The following SPIRE1 variants were observed in gnomAD, a reference collection of about 807,000 sequenced individuals.
SPIRE1 encodes the protein protein spire homolog 1.
A neutral mutation model predicts 94.1 loss-of-function variants in SPIRE1; 40 were observed. The ratio of observed to expected loss-of-function variants is 0.43; its 90% CI spans 0.33 to 0.55. SPIRE1 has a LOEUF of 0.55. Ranked by LOEUF, SPIRE1 falls within the 20% of genes least tolerant of loss-of-function variation. The probability of loss-of-function intolerance (pLI) is 0.06; values close to 1 mark genes in which losing one functional copy is unlikely to be tolerated. For synonymous variants in SPIRE1, 376 were observed against 371.7 expected, an observed-to-expected ratio of 1.01 and a Z score of -0.13; for missense variants, 838 against 975.2, an observed-to-expected ratio of 0.86 and a Z score of 1.87.
Position 12,546,876 on chromosome 18 carries a change from T to A in SPIRE1, c.401A>T (p.Tyr134Phe). 5 of 1,613,692 alleles carry A rather than the reference T, an allele frequency of 3.1e-6. No homozygotes were observed. The highest frequency in any genetic ancestry group is 1.1e-5 in the South Asian group (1 of 90,958). Residue 134 changes from tyrosine to phenylalanine, a missense_variant, in exon 3 of 17, where the codon TAT becomes TTT. By Grantham distance (22) the Tyr-to-Phe change is conservative (BLOSUM62 3). Around this residue, in one of 2 missense-constraint regions of SPIRE1, gnomAD observed 645 missense variants for 804.7 expected, o/e 0.80. Transcript: ENST00000409402. Reference sequence around the variant, plus strand: ...CTTCAAACCATAGTCCAGTGCTTTATAAATAATAATTCCCAAAGATTCAAT... The same window carrying A: ...CTTCAAACCATAGTCCAGTGCTTTAAAAATAATAATTCCCAAAGATTCAAT... ...EVIESLGIII[Y>F]KALDYGLKEN...
intron 3 of SPIRE1, among the ~76,000 whole-genome samples, chr18:12,539,952 G>GA (rs1297217742): frequency 1.3e-5 from 2 of 150,394 alleles, no homozygotes; most frequent in Non-Finnish European, 3.0e-5. Context: ...AGAAAAGAAA[G>GA]AAAAAGAAAA....
intron 12 of SPIRE1, among the ~76,000 whole-genome samples, chr18:12,461,093 TGCAC>T (rs927414234): frequency 2.6e-4 from 40 of 152,146 alleles, no homozygotes; most frequent in African/African-American, 9.6e-4. Flanking sequence ...AAAAAAACAG[TGCAC>T]GGCCTGACCT....
chr18:12,553,176 T>C (rs1360611736), intron 2 of SPIRE1, among the ~76,000 whole-genome samples: 1 of 152,204 alleles, frequency 6.6e-6, no homozygotes, highest in African/African-American at 2.4e-5. Context: ...GAAAGACTTC[T>C]CGTGCTTGAG....
At chr18:12,518,834 T>A (rs149417069) in intron 4 of SPIRE1, among the ~76,000 whole-genome samples, 11 of 152,364 alleles carry the variant, frequency 7.2e-5, no homozygotes, top group South Asian at 2.1e-4. Flanking sequence ...ACACAGATTA[T>A]GAGCTATGAC....
intron 6 of SPIRE1, among the ~76,000 whole-genome samples, chr18:12,500,577 G>A (rs1243852166): frequency 6.6e-6 from 1 of 152,022 alleles, no homozygotes; most frequent in Non-Finnish European, 1.5e-5. Flanking sequence ...GCCAAACATA[G>A]AATTACTATA....
intron 2 of SPIRE1, among the ~76,000 whole-genome samples, chr18:12,618,161 G>GT (rs954612463): frequency 1.1e-4 from 17 of 151,974 alleles, no homozygotes; most frequent in African/African-American, 3.9e-4. Context: ...GAGTGCAGTG[G>GT]TGCGATCTCG....
At chr18:12,626,396 T>C (rs1274487096) in intron 2 of SPIRE1, among the ~76,000 whole-genome samples, 2 of 152,176 alleles carry the variant, frequency 1.3e-5, no homozygotes, top group Non-Finnish European at 2.9e-5. Context: ...TGAATCATTT[T>C]GAGTAATTTG....
intron 16 of SPIRE1, 127 bp downstream of exon 16, chr18:12,452,128 G>A: frequency 1.8e-6 from 2 of 1,130,714 alleles, no homozygotes; most frequent in Non-Finnish European, 2.5e-6. Flanking sequence ...GTGTAAAACT[G>A]TATTAAAACC....
chr18:12,615,511 C>T (rs1173658067), intron 2 of SPIRE1, among the ~76,000 whole-genome samples: 10 of 128,722 alleles, frequency 7.8e-5, no homozygotes, highest in African/African-American at 2.7e-4. Flanking sequence ...CTGAACTCCA[C>T]CTTGGGCGAC....
Position 12,447,742 on chromosome 18 carries a change from T to TTGGGGG in SPIRE1, c.*1890_*1895dup, listed in dbSNP as rs2031011800. On this transcript the variant is annotated 3_prime_UTR_variant, in exon 17 of 17. Coordinates refer to ENST00000409402, the MANE Select transcript of SPIRE1 (RefSeq NM_001128626.2). ...TGTGAATGTGAATGAAAGTCTTATT[T>TTGGGGG]TGGGGGTGTAGTTTCTTATGTTTTA... 1 of 152,196 alleles carries TTGGGGG rather than the reference T, an allele frequency of 6.6e-6. No individual in the cohort carries two copies. The highest frequency in any genetic ancestry group is 1.5e-5 in the Non-Finnish European group (1 of 68,036). 9.4% of individuals were successfully genotyped at this position (152,196 alleles called of 1,614,324 possible). A position where few individuals can be genotyped will look rare whatever the true frequency, so the allele number is the denominator to read the frequency against.
intron 3 of SPIRE1, among the ~76,000 whole-genome samples, chr18:12,543,532 C>T (rs546739804): frequency 2.0e-5 from 3 of 152,302 alleles, no homozygotes; most frequent in Non-Finnish European, 4.4e-5. Context: ...CTTTGTGAAA[C>T]GGGTATTGGA....
chr18:12,479,159 A>ATTTTT (rs61059172), intron 10 of SPIRE1, among the ~76,000 whole-genome samples: 1 of 143,874 alleles, frequency 7.0e-6, no homozygotes, highest in African/African-American at 2.6e-5. Context: ...ACATATATGT[A>ATTTTT]TTTTTTTTTT....
intron 2 of SPIRE1, among the ~76,000 whole-genome samples, chr18:12,558,195 G>A (rs946151962): frequency 6.6e-5 from 10 of 152,170 alleles, no homozygotes; most frequent in Admixed American, 5.2e-4. Flanking sequence ...GTTTAGATGT[G>A]TCCGGAGTTA....
chr18:12,584,962 T>C (rs954287411), intron 2 of SPIRE1, among the ~76,000 whole-genome samples: 10 of 152,174 alleles, frequency 6.6e-5, no homozygotes, highest in Admixed American at 5.2e-4. Context: ...TGTGCCACCA[T>C]GCCTGGCTAA....
chr18:12,568,528 C>T (rs1014362612), intron 2 of SPIRE1, among the ~76,000 whole-genome samples: 3 of 152,192 alleles, frequency 2.0e-5, no homozygotes, highest in African/African-American at 7.2e-5. Context: ...TCTACCATCG[C>T]ATCACAATCT....
intron 8 of SPIRE1, 42 bp from the exon 9 acceptor site, chr18:12,486,042 CTGT>C (rs1285854019): frequency 6.8e-7 from 1 of 1,466,884 alleles, no homozygotes; most frequent in African/African-American, 1.4e-5. Flanking sequence ...AATAATTCAG[CTGT>C]TAGGAATATA....
At chr18:12,571,569 CA>C (rs1339664284) in intron 2 of SPIRE1, among the ~76,000 whole-genome samples, 1 of 152,224 alleles carries the variant, frequency 6.6e-6, no homozygotes, top group East Asian at 1.9e-4. Context: ...CCCATGCTGA[CA>C]CTGATTGCAA....
intron 2 of SPIRE1, among the ~76,000 whole-genome samples, chr18:12,579,076 A>G (rs138244871): frequency 6.6e-6 from 1 of 152,150 alleles, no homozygotes; most frequent in Admixed American, 6.6e-5. Context: ...GTTAGGCCTT[A>G]AAGGCTTTTA....
intron 6 of SPIRE1, among the ~76,000 whole-genome samples, chr18:12,502,880 G>T (rs1298937772): frequency 6.6e-6 from 1 of 152,030 alleles, no homozygotes; most frequent in Non-Finnish European, 1.5e-5. Flanking sequence ...GGCTGAGATG[G>T]GTGGATCACC....
Sources: gnomAD v4.1 joint callset for allele counts (sites outside exome capture counted in the v4.1 genomes callset) on GRCh38, gnomAD v4.1.1 for gene constraint, gnomAD v4.1.1 regional missense constraint, MANE v1.5 for transcripts, NCBI Gene and HGNC (gene_info 2026-07-23, HGNC 2026-07-21) for gene names.